Variants in ZGRF1 observed in about 807,000 individuals in gnomAD.
ZGRF1 encodes 5'-3' DNA helicase ZGRF1.
A neutral mutation model predicts 203.5 loss-of-function variants in ZGRF1; 196 were observed. The observed-to-expected ratio is 0.96, with a 90% CI of 0.86 to 1.08. The LOEUF is 1.08. Ranked by LOEUF, ZGRF1 falls within the 50% of genes least tolerant of loss-of-function variation. The pLI is 0.00. For synonymous variants in ZGRF1, 809 were observed against 841.3 expected (o/e 0.96, Z 0.66); for missense variants, 2,326 against 2,416.3 (o/e 0.96, Z 0.78).
chr4:112,603,502 G>A (rs1750287261), intron 10 of ZGRF1, 22 bp downstream of exon 10: 6 of 1,573,944 alleles, frequency 3.8e-6, no homozygotes, highest in Non-Finnish European at 5.2e-6. Flanking sequence ...TTGGCAAAAT[G>A]CAACTATAAA....
chr4:112,561,198 T>C, intron 18 of ZGRF1: 1 of 541,930 alleles, frequency 1.8e-6, no homozygotes, highest in Admixed American at 3.3e-5. Context: ...GTTTGTTGAA[T>C]ACTTACTACA....
chr4:112,625,867 C>T (rs184957760), intron 3 of ZGRF1, among the ~76,000 whole-genome samples: 32 of 151,022 alleles, frequency 2.1e-4, no homozygotes, highest in African/African-American at 5.8e-4. Context: ...TGCACTCCAG[C>T]CTGGGCAACA....
At chr4:112,613,604 G>A (rs1395357851) in intron 6 of ZGRF1, among the ~76,000 whole-genome samples, 1 of 152,144 alleles carries the variant, frequency 6.6e-6, no homozygotes, top group East Asian at 1.9e-4. Context: ...AGTTTCTCAT[G>A]GGAAGTAACA....
At position 112,584,103 on chromosome 4, in the gene ZGRF1, C is replaced by G. The variant is rs775790624; in HGVS notation, c.4173G>C (p.Val1391=). 4.3e-6 allele frequency: 7 copies of G among 1,613,568 alleles called. No homozygotes were observed. Among genetic ancestry groups the G allele is most frequent in the Non-Finnish European group, 5.9e-6 (7 of 1,179,638 alleles). Residue 1391 remains valine, a synonymous_variant, in exon 15 of 28, where the codon GTG becomes GTC. Transcript: ENST00000505019. ...CTTCCTGTGTTGAATATCCTGGAGTCACGTCCTCAAGCCATTTAAAGAATT... is the reference window on the plus strand; with the variant it reads ...CTTCCTGTGTTGAATATCCTGGAGTGACGTCCTCAAGCCATTTAAAGAATT... ...RCKFFKWLED[V]TPGYSTQEGA...
chr4:112,557,476 G>C (rs536406550), intron 20 of ZGRF1, among the ~76,000 whole-genome samples: 1 of 152,260 alleles, frequency 6.6e-6, no homozygotes, highest in East Asian at 1.9e-4. Context: ...TGCCCAGCCT[G>C]ATTTTAACCT....
intron 16 of ZGRF1, among the ~76,000 whole-genome samples, chr4:112,573,466 G>C (rs79770484): frequency 6.6e-6 from 1 of 152,056 alleles, no homozygotes; most frequent in Non-Finnish European, 1.5e-5. Flanking sequence ...ATACTGATCA[G>C]GTGATAGGTG....
At chr4:112,551,790 A>C (rs867225022) in intron 22 of ZGRF1, among the ~76,000 whole-genome samples, 1 of 152,192 alleles carries the variant, frequency 6.6e-6, no homozygotes, top group African/African-American at 2.4e-5. Context: ...GCATTTTTTA[A>C]ATTTAAAGAA....
chr4:112,567,238 A>C (rs983858879), intron 16 of ZGRF1, among the ~76,000 whole-genome samples: 3 of 152,150 alleles, frequency 2.0e-5, no homozygotes, highest in Non-Finnish European at 2.9e-5. Flanking sequence ...CTTGGAGCTG[A>C]CCAGATTGGG....
At position 112,578,493 on chromosome 4, in the gene ZGRF1, T is replaced by G. The variant is rs1326697142; in HGVS notation, c.4438+3170A>C. The stretch of plus-strand genomic sequence containing the variant: ...TCAATGAATCCAGGAGCTGGTTTTT[T>G]GAAAAGATCAACAAAATTGATAGAC... On this transcript the variant is annotated intron_variant, in intron 16 of 27. Coordinates refer to ENST00000505019, the MANE Select transcript of ZGRF1 (RefSeq NM_018392.5). Among the ~76,000 whole-genome samples, 4 of 120,194 alleles carry G rather than the reference T, an allele frequency of 3.3e-5. 1 individual carries two copies. The highest frequency in any genetic ancestry group is 1.2e-4 in the African/African-American group (4 of 34,660). 78.9% of individuals were successfully genotyped at this position (120,194 alleles called of 152,430 possible).
chr4:112,579,368 C>G lies in ZGRF1; in HGVS notation c.4438+2295G>C, dbSNP rs867276449. 1.5e-4 allele frequency among the ~76,000 whole-genome samples: 19 copies of G among 122,638 alleles called. 2 individuals carry two copies. Among genetic ancestry groups the G allele is most frequent in the South Asian group, 3.0e-4 (1 of 3,302 alleles). 80.5% of individuals were successfully genotyped at this position (122,638 alleles called of 152,430 possible). On this transcript the variant is annotated intron_variant, in intron 16 of 27. Coordinates refer to ENST00000505019, the MANE Select transcript of ZGRF1 (RefSeq NM_018392.5). ...TCCCTTTGAAAACTGGCACAAGACA[C>G]GGATGCGCTCTCTCACCACTCCTAT... is the stretch of plus-strand genomic sequence containing the variant.
At chr4:112,577,035 C>T (rs1420131345) in intron 16 of ZGRF1, among the ~76,000 whole-genome samples, 1 of 149,272 alleles carries the variant, frequency 6.7e-6, no homozygotes, top group Non-Finnish European at 1.5e-5. Flanking sequence ...AGAGAAAGGT[C>T]GAGTTACCCA....
intron 24 of ZGRF1, among the ~76,000 whole-genome samples, chr4:112,545,871 T>C (rs1354808332): frequency 3.9e-5 from 6 of 152,064 alleles, no homozygotes; most frequent in Non-Finnish European, 7.4e-5. Context: ...TGACAAATAC[T>C]GTATGACTCT....
At position 112,563,191 on chromosome 4, in the gene ZGRF1, T is replaced by C; in HGVS notation, c.4522A>G (p.Ile1508Val). ...ACSAFFGPSSINEIEILPLKG... is the reference protein window; with the variant it reads ...ACSAFFGPSSVNEIEILPLKG... ...AAAGGCAGTATTTCTATCTCATTGA[T>C]AGATGATGGTCCAAAGAAAGCACTA... Residue 1508 changes from isoleucine to valine, a missense_variant, in exon 17 of 28, where the codon ATC (isoleucine) becomes GTC (valine). Coordinates refer to ENST00000505019, the MANE Select transcript of ZGRF1 (RefSeq NM_018392.5). The C allele has an allele frequency of 1.3e-6, 2 of 1,551,068 alleles. No homozygotes were observed. The highest frequency in any genetic ancestry group is 1.2e-5 in the South Asian group (1 of 84,028).
chr4:112,573,452 G>T (rs1744586718), intron 16 of ZGRF1, among the ~76,000 whole-genome samples: 1 of 152,042 alleles, frequency 6.6e-6, no homozygotes, highest in South Asian at 2.1e-4. Context: ...ATTTGATACG[G>T]TGTATACTGA....
chr4:112,585,517 TA>T (rs771585256), intron 14 of ZGRF1, 23 bp downstream of exon 14: 3 of 1,588,610 alleles, frequency 1.9e-6, no homozygotes, highest in Non-Finnish European at 2.6e-6. Context: ...TTTGGTATGG[TA>T]GGGGGAGGGG....
chr4:112,541,610 C>G (rs1222100192), intron 24 of ZGRF1, among the ~76,000 whole-genome samples: 1 of 150,638 alleles, frequency 6.6e-6, no homozygotes, highest in South Asian at 2.1e-4. Context: ...CTCACTGCAA[C>G]CTCCACCTCC....
chr4:112,575,634 C>G (rs945949265), intron 16 of ZGRF1, among the ~76,000 whole-genome samples: 1 of 152,208 alleles, frequency 6.6e-6, no homozygotes, highest in Non-Finnish European at 1.5e-5. Context: ...TATTATATCC[C>G]GTGCCTGGAT....
At chr4:112,600,567 T>A (rs1322245419) in intron 10 of ZGRF1, among the ~76,000 whole-genome samples, 1 of 152,060 alleles carries the variant, frequency 6.6e-6, no homozygotes, top group African/African-American at 2.4e-5. Context: ...GGTGGGCACC[T>A]GTAATCCCAG....
Position 112,617,651 on chromosome 4 carries a change from G to A in ZGRF1, c.2391C>T (p.Asp797=), listed in dbSNP as rs1049544553. Residue 797 remains aspartate (D), a synonymous_variant, in exon 6 of 28, where the codon GAC becomes GAT. Coordinates refer to ENST00000505019, the MANE Select transcript of ZGRF1 (RefSeq NM_018392.5). ...CTCTGGCAGTTTCAACCTCAACATG[G>A]TCAGGGGGTGGACTTCTAATCTTTC... The part of the protein sequence containing the change: ...DLGKIRSPPP[D]HVEVETAREG... The A allele has an allele frequency of 4.3e-6, 7 of 1,613,832 alleles. No homozygotes were observed. The highest frequency in any genetic ancestry group is 5.9e-6 in the Non-Finnish European group (7 of 1,179,920).
Sources: gnomAD v4.1 joint callset for allele counts (sites outside exome capture counted in the v4.1 genomes callset) on GRCh38, gnomAD v4.1.1 for gene constraint, MANE v1.5 for transcripts, NCBI Gene and HGNC (gene_info 2026-07-23, HGNC 2026-07-21) for gene names.